The following ARMC2 variants were observed in gnomAD, a reference collection of about 807,000 sequenced individuals.
The protein encoded by ARMC2 is armadillo repeat-containing protein 2.
Under a neutral mutation model 90.3 loss-of-function variants are expected in ARMC2, and 67 were observed. The ratio of observed to expected loss-of-function variants is 0.74; its 90% confidence interval spans 0.61 to 0.91. The LOEUF is 0.91. Ranked by LOEUF, ARMC2 falls within the 40% of genes least tolerant of loss-of-function variation. The probability of loss-of-function intolerance (pLI) is 0.00; values close to 1 mark genes in which losing one functional copy is unlikely to be tolerated. For synonymous variants in ARMC2, 393 were observed against 393.0 expected (o/e 1.00, Z 0.00); for missense variants, 920 against 1,030.9 (o/e 0.89, Z 1.47).
At chr6:108,941,945 C>A (rs1776473033) in intron 12 of ARMC2, among the ~76,000 whole-genome samples, 1 of 152,162 alleles carries the variant, frequency 6.6e-6, no homozygotes, top group Non-Finnish European at 1.5e-5. Flanking sequence ...TTCCTCAAAA[C>A]CAAAATATTT....
chr6:108,961,725 AGTGCTCATTT>A (rs757973606), intron 14 of ARMC2, 31 bp downstream of exon 14: 2 of 1,556,716 alleles, frequency 1.3e-6, no homozygotes. Context: ...TGGATAAATG[AGTGCTCATTT>A]GAAGTTTCGA....
chr6:109,040,368 G>A, the ARMC2 span, among the ~76,000 whole-genome samples: 1 of 152,160 alleles, frequency 6.6e-6, no homozygotes, highest in African/African-American at 2.4e-5. Flanking sequence ...AATTACTGGG[G>A]TTGAAGAAGG....
rs1774843389 is a variant in ARMC2, at chr6:108,858,138, A to G, written c.219-61A>G. 11 of 1,358,084 alleles carry G rather than the reference A, an allele frequency of 8.1e-6. No homozygotes were observed. In the South Asian group the frequency reaches 1.4e-4, roughly 17 times the overall value. 84.1% of individuals were successfully genotyped at this position (1,358,084 alleles called of 1,614,324 possible). ...TTTTTTAGCTAGGGTTAACTAATAT[A>G]TACTATAAATAAAGAAATAATTCTT... On this transcript the variant is annotated intron_variant, in intron 2 of 17. Transcript: ENST00000392644.
intron 5 of ARMC2, among the ~76,000 whole-genome samples, chr6:108,876,855 G>A (rs1776990562): frequency 6.6e-6 from 1 of 152,118 alleles, no homozygotes; most frequent in Admixed American, 6.5e-5. Context: ...TCCCTCCATT[G>A]GCCCCTCATA....
At chr6:108,960,013 G>T (rs1777876159) in intron 13 of ARMC2, among the ~76,000 whole-genome samples, 3 of 152,042 alleles carry the variant, frequency 2.0e-5, no homozygotes, top group Admixed American at 2.0e-4. Flanking sequence ...GTAAAGACAG[G>T]GTTTCACCGT....
downstream of ARMC2, among the ~76,000 whole-genome samples, chr6:108,979,152 A>G (rs1779039416): frequency 6.6e-6 from 1 of 152,082 alleles, no homozygotes; most frequent in Non-Finnish European, 1.5e-5. Flanking sequence ...TTCCACGTTT[A>G]GTGCTTCCTT....
rs149291442 is a variant in ARMC2, at chr6:108,918,068, G to A, written c.1350+5510G>A. 5.9e-5 allele frequency among the ~76,000 whole-genome samples: 9 copies of A among 152,242 alleles called. No homozygotes were observed. The East Asian group carries it at 1.5e-3, about 26-fold the overall frequency. ...TATGAGCTGAGGCTTGGAAGAGCAG[G>A]TAAGATCAAAAATACAGATTTAGGG... is the stretch of plus-strand genomic sequence containing the variant. On this transcript the variant is annotated intron_variant, in intron 10 of 17. Coordinates refer to ENST00000392644, the MANE Select transcript of ARMC2 (RefSeq NM_032131.6).
chr6:108,971,187 G>T (rs1030806875), intron 17 of ARMC2, among the ~76,000 whole-genome samples: 2 of 152,160 alleles, frequency 1.3e-5, no homozygotes, highest in African/African-American at 4.8e-5. Context: ...TCACACCATT[G>T]CACTCCAGAG....
the ARMC2 span, among the ~76,000 whole-genome samples, chr6:108,996,557 G>A: frequency 6.6e-6 from 1 of 151,810 alleles, no homozygotes; most frequent in African/African-American, 2.4e-5. Flanking sequence ...GGTAATTCTT[G>A]ATAAATTATA....
chr6:109,023,734 A>T, the ARMC2 span, among the ~76,000 whole-genome samples: 3 of 152,218 alleles, frequency 2.0e-5, no homozygotes, highest in African/African-American at 7.2e-5. Flanking sequence ...ACAGGTTTGG[A>T]TCTAACAAAA....
the ARMC2 span, among the ~76,000 whole-genome samples, chr6:109,001,131 G>A: frequency 1.4e-4 from 22 of 152,148 alleles, no homozygotes; most frequent in East Asian, 5.8e-4. Context: ...ACTTGAGAGC[G>A]TACTTATTTA....
Position 108,899,790 on chromosome 6 carries a change from A to G in ARMC2, c.845A>G (p.Lys282Arg), listed in dbSNP as rs1217176682. ...GTACCGATTTTGCGTGAATTAGAAA[A>G]GGGTAAAACACAAACAAACAAACAA... Reference protein sequence around the residue: ...RIVPILRELEKEENIETVCAA... With the variant: ...RIVPILRELEREENIETVCAA... The change falls in exon 7 of 18, where the codon AAG becomes AGG. Residue 282 changes from lysine (K) to arginine (R), a missense_variant and splice_region_variant. Transcript: ENST00000392644. 1.2e-6 allele frequency: 2 copies of G among 1,607,128 alleles called. No individual in the cohort carries two copies. Among genetic ancestry groups the G allele is most frequent in the Non-Finnish European group, 1.7e-6 (2 of 1,176,838 alleles).
chr6:108,863,928 C>T (rs1775542377), intron 3 of ARMC2, among the ~76,000 whole-genome samples: 1 of 152,220 alleles, frequency 6.6e-6, no homozygotes, highest in African/African-American at 2.4e-5. Context: ...CCACTTCTAA[C>T]AGCGTGGATT....
At chr6:109,013,594 T>C in the ARMC2 span, among the ~76,000 whole-genome samples, 1 of 152,230 alleles carries the variant, frequency 6.6e-6, no homozygotes, top group African/African-American at 2.4e-5. Flanking sequence ...TAATCATACT[T>C]TTATGGACCA....
At chr6:108,950,127 A>G (rs1460866351) in intron 12 of ARMC2, among the ~76,000 whole-genome samples, 3 of 152,148 alleles carry the variant, frequency 2.0e-5, no homozygotes, top group African/African-American at 7.2e-5. Flanking sequence ...AATCACTTGA[A>G]CACAGGATGC....
the ARMC2 span, chr6:108,994,385 T>C: frequency 1.8e-5 from 22 of 1,246,470 alleles, no homozygotes; most frequent in Admixed American, 4.0e-5. Context: ...GATTGATGCT[T>C]TAAAAGTTAT....
Position 108,936,933 on chromosome 6 carries a change from C to G in ARMC2, c.1530C>G (p.Ala510=). ...KLTSYRDCCT[A]LASYSRCYAL... ...CTTCTTACCGTGACTGCTGCACAGC[C>G]TTGGCCAGCTATTCCAGATGTTATG... is the stretch of plus-strand genomic sequence containing the variant. Residue 510 remains alanine, a synonymous_variant, in exon 12 of 18, where the codon GCC becomes GCG. Coordinates refer to ENST00000392644, the MANE Select transcript of ARMC2 (RefSeq NM_032131.6). The G allele has an allele frequency of 2.5e-6, 4 of 1,604,302 alleles. No individual in the cohort carries two copies. The highest frequency in any genetic ancestry group is 1.7e-4 in the Middle Eastern group (1 of 6,050).
chr6:108,917,488 G>T (rs1316779054), intron 10 of ARMC2, among the ~76,000 whole-genome samples: 1 of 152,112 alleles, frequency 6.6e-6, no homozygotes, highest in African/African-American at 2.4e-5. Context: ...AAAGAGAGCT[G>T]ACTCAGACAA....
the ARMC2 span, among the ~76,000 whole-genome samples, chr6:109,029,174 T>C: frequency 4.8e-4 from 73 of 152,288 alleles, no homozygotes; most frequent in Non-Finnish European, 1.9e-4. Context: ...GGAATGATCC[T>C]AAATTTTACA....
Sources: allele counts gnomAD v4.1 joint callset (sites outside exome capture counted in the v4.1 genomes callset), GRCh38; gene constraint gnomAD v4.1.1; transcripts MANE v1.5; gene names NCBI Gene and HGNC (gene_info 2026-07-23, HGNC 2026-07-21).